Variants in KLHL1 observed in about 807,000 individuals in gnomAD.
KLHL1 encodes kelch like family member 1.
Under a neutral mutation model 77.7 loss-of-function variants are expected in KLHL1, and 47 were observed. The observed-to-expected ratio is 0.60, with a 90% CI of 0.48 to 0.77. The LOEUF is 0.77. Ranked by LOEUF, KLHL1 falls within the 30% of genes least tolerant of loss-of-function variation. The pLI is 0.00. For synonymous variants in KLHL1, 360 were observed against 325.2 expected (o/e 1.11, Z -1.15); for missense variants, 925 against 910.8 (o/e 1.02, Z -0.20).
chr13:70,082,735 A>G (rs1844380080), intron 1 of KLHL1, among the ~76,000 whole-genome samples: 1 of 152,204 alleles, frequency 6.6e-6, no homozygotes, highest in South Asian at 2.1e-4. Flanking sequence ...GCCTATCAAC[A>G]GTGAATTGAA....
intron 9 of KLHL1, among the ~76,000 whole-genome samples, chr13:69,711,175 A>G (rs989136846): frequency 4.6e-5 from 7 of 152,148 alleles, no homozygotes; most frequent in African/African-American, 1.7e-4. Context: ...TAAAAACATT[A>G]CTTTCTTAAC....
intron 4 of KLHL1, among the ~76,000 whole-genome samples, chr13:69,886,934 G>T (rs2138202633): frequency 6.6e-6 from 1 of 152,192 alleles, no homozygotes; most frequent in Admixed American, 6.6e-5. Flanking sequence ...AGAGGATATA[G>T]AATTTATTTA....
intron 3 of KLHL1, among the ~76,000 whole-genome samples, chr13:69,949,281 T>A (rs1883629029): frequency 6.6e-6 from 1 of 151,788 alleles, no homozygotes. Flanking sequence ...ACTCATTCTG[T>A]CTCTTTAGGC....
At chr13:70,019,658 G>A (rs1885741752) in intron 1 of KLHL1, among the ~76,000 whole-genome samples, 1 of 152,134 alleles carries the variant, frequency 6.6e-6, no homozygotes, top group African/African-American at 2.4e-5. Context: ...TTGAGCAAAA[G>A]AAAGGTAAAT....
At chr13:69,960,307 C>T (rs186595605) in intron 3 of KLHL1, among the ~76,000 whole-genome samples, 410 of 152,056 alleles carry the variant, frequency 2.7e-3, no homozygotes, top group Non-Finnish European at 4.3e-3. Flanking sequence ...AAATAAAACT[C>T]CTTAAACTAC....
intron 1 of KLHL1, among the ~76,000 whole-genome samples, chr13:70,019,840 G>A (rs1322319269): frequency 6.6e-6 from 1 of 152,102 alleles, no homozygotes; most frequent in African/African-American, 2.4e-5. Context: ...TCTCAAATGC[G>A]ACAGTGTTAA....
At chr13:69,838,289 A>G (rs1879108596) in intron 6 of KLHL1, among the ~76,000 whole-genome samples, 2 of 151,898 alleles carry the variant, frequency 1.3e-5, no homozygotes, top group South Asian at 4.1e-4. Context: ...GGTTAATTAT[A>G]TCATTTATTA....
intron 1 of KLHL1, among the ~76,000 whole-genome samples, chr13:70,081,178 C>G (rs1887382031): frequency 6.6e-6 from 1 of 152,176 alleles, no homozygotes; most frequent in South Asian, 2.1e-4. Flanking sequence ...AAACTGAAAG[C>G]CCCATGTCTT....
At chr13:70,070,598 A>C (rs193146314) in intron 1 of KLHL1, among the ~76,000 whole-genome samples, 2 of 152,262 alleles carry the variant, frequency 1.3e-5, no homozygotes, top group East Asian at 1.9e-4. Flanking sequence ...TCTACCTCAT[A>C]AGAATGTTAA....
intron 6 of KLHL1, among the ~76,000 whole-genome samples, chr13:69,812,609 A>T (rs1202665243): frequency 1.3e-5 from 2 of 152,094 alleles, no homozygotes. Flanking sequence ...TCTACAATGA[A>T]CTCAAATTTA....
Position 70,036,235 on chromosome 13 carries a change from T to TTTATTTA in KLHL1, c.498-60440_498-60434dup, listed in dbSNP as rs559442523. ...AAACATTGCTGCTAGGGTTACTAGT[T>TTTATTTA]TTATTTATTATTTATTATTCCCTCC... On this transcript the variant is annotated intron_variant, in intron 1 of 10. Coordinates refer to ENST00000377844, the MANE Select transcript of KLHL1 (RefSeq NM_020866.3). 8.2e-4 allele frequency among the ~76,000 whole-genome samples: 124 copies of TTTATTTA among 152,034 alleles called. 1 individual carries two copies. Among genetic ancestry groups the TTTATTTA allele is most frequent in the African/African-American group, 3.0e-3 (123 of 41,554 alleles).
At chr13:69,940,712 A>G (rs1466058861) in intron 3 of KLHL1, among the ~76,000 whole-genome samples, 1 of 141,846 alleles carries the variant, frequency 7.0e-6, no homozygotes, top group Admixed American at 7.6e-5. Flanking sequence ...CACTGTACTC[A>G]TGTTTAAAAT....
At position 70,083,360 on chromosome 13, in the gene KLHL1, CAG is replaced by C. The variant is rs976413560; in HGVS notation, c.497+23841_497+23842del. Among the ~76,000 whole-genome samples, 12 of 152,234 alleles carry C rather than the reference CAG, an allele frequency of 7.9e-5. No homozygotes were observed. In the East Asian group the frequency reaches 2.3e-3, roughly 29 times the overall value. ...TATTTCTTTCCTTCTTTTTTAGAGA[CAG>C]AGTCTTGCTATGTTGCCCAAGATGA... is the stretch of plus-strand genomic sequence containing the variant. On this transcript the variant is annotated intron_variant, in intron 1 of 10. Coordinates refer to ENST00000377844, the MANE Select transcript of KLHL1 (RefSeq NM_020866.3).
At chr13:69,934,986 A>ATG (rs1566419375) in intron 4 of KLHL1, among the ~76,000 whole-genome samples, 2 of 134,220 alleles carry the variant, frequency 1.5e-5, no homozygotes, top group African/African-American at 6.3e-5. Flanking sequence ...ATATATATAT[A>ATG]TATGTATATA....
chr13:69,706,648 A>C (rs768235888), intron 10 of KLHL1, among the ~76,000 whole-genome samples: 1 of 151,954 alleles, frequency 6.6e-6, no homozygotes, highest in East Asian at 1.9e-4. Context: ...CTGCACTCCT[A>C]GATGGAAACT....
At chr13:69,914,108 C>T (rs559340253) in intron 4 of KLHL1, among the ~76,000 whole-genome samples, 2 of 152,258 alleles carry the variant, frequency 1.3e-5, no homozygotes, top group Non-Finnish European at 2.9e-5. Context: ...CTTTGGGACT[C>T]GGACTGGCTC....
chr13:69,721,529 T>C (rs1873063755), intron 8 of KLHL1, among the ~76,000 whole-genome samples: 1 of 152,042 alleles, frequency 6.6e-6, no homozygotes, highest in Non-Finnish European at 1.5e-5. Context: ...ATATATCCAA[T>C]ATAATATATT....
intron 9 of KLHL1, among the ~76,000 whole-genome samples, 179 bp downstream of exon 9, chr13:69,719,190 G>T: frequency 2.9e-5 from 1 of 34,446 alleles, no homozygotes; most frequent in Non-Finnish European, 9.5e-5. Flanking sequence ...GTACGTGTGT[G>T]TGTGTGTGTG....
At chr13:69,855,355 G>GATCT (rs879641584) in intron 5 of KLHL1, among the ~76,000 whole-genome samples, 5,831 of 144,764 alleles carry the variant, frequency 0.04, 178 homozygotes, top group African/African-American at 0.05. Context: ...TAGACAGACA[G>GATCT]ATAGATACAT....
Sources: allele counts gnomAD v4.1 joint callset (sites outside exome capture counted in the v4.1 genomes callset), GRCh38; gene constraint gnomAD v4.1.1; transcripts MANE v1.5; gene names NCBI Gene and HGNC (gene_info 2026-07-23, HGNC 2026-07-21).